RNF10: variants seen among roughly 807,000 people sequenced by gnomAD.
The protein encoded by RNF10 is E3 ubiquitin-protein ligase RNF10.
In RNF10, 38 loss-of-function variants were observed where a neutral mutation model predicts 91.4. The observed-to-expected ratio is 0.42, with a 90% confidence interval of 0.32 to 0.54. The LOEUF (loss-of-function observed/expected upper bound fraction) is 0.54, where lower values mean the gene tolerates loss of function less well. Ranked by LOEUF, RNF10 falls within the 20% of genes least tolerant of loss-of-function variation. The probability of loss-of-function intolerance (pLI) is 0.16; values close to 1 mark genes in which losing one functional copy is unlikely to be tolerated. For synonymous variants in RNF10, 364 were observed against 366.3 expected (o/e 0.99, Z 0.07); for missense variants, 945 against 1,012.0 (o/e 0.93, Z 0.90).
At chr12:120,569,538 C>CTTTTTTTTTTTTTTTTTTTTTTTT (rs58304342) in intron 13 of RNF10, among the ~76,000 whole-genome samples, 1 of 115,240 alleles carries the variant, frequency 8.7e-6, no homozygotes, top group Non-Finnish European at 1.7e-5. Context: ...TGATATGCAT[C>CTTTTTTTTTTTTTTTTTTTTTTTT]TTTTTTTTTT....
At chr12:120,543,742 G>C (rs1871900159) in intron 1 of RNF10, among the ~76,000 whole-genome samples, 2 of 152,206 alleles carry the variant, frequency 1.3e-5, no homozygotes, top group Admixed American at 1.3e-4. Flanking sequence ...GGAGGCTGCA[G>C]TAAGCCGAGA....
intron 4 of RNF10, among the ~76,000 whole-genome samples, chr12:120,555,980 G>A (rs1008930608): frequency 1.3e-5 from 2 of 151,514 alleles, no homozygotes; most frequent in African/African-American, 4.9e-5. Flanking sequence ...TTAGAGACGG[G>A]GTTCCACCGT....
At chr12:120,552,010 ATACT>A (rs1873165803) in intron 2 of RNF10, among the ~76,000 whole-genome samples, 1 of 148,392 alleles carries the variant, frequency 6.7e-6, no homozygotes, top group Non-Finnish European at 1.5e-5. Context: ...GAAATGCTAC[ATACT>A]TTTTTTTTTT....
intron 1 of RNF10, among the ~76,000 whole-genome samples, chr12:120,540,853 T>A (rs1871442285): frequency 1.5e-5 from 1 of 66,552 alleles, no homozygotes; most frequent in African/African-American, 5.8e-5. Context: ...CAGTTTACTT[T>A]CTTTTTTTTT....
At chr12:120,551,738 C>G (rs1017761893) in intron 2 of RNF10, among the ~76,000 whole-genome samples, 7 of 152,132 alleles carry the variant, frequency 4.6e-5, no homozygotes, top group Non-Finnish European at 1.0e-4. Context: ...GGCTCAAGTG[C>G]CCCTCTTCAG....
At chr12:120,559,110 A>T (rs1874449817) in intron 6 of RNF10, among the ~76,000 whole-genome samples, 1 of 148,794 alleles carries the variant, frequency 6.7e-6, no homozygotes, top group Non-Finnish European at 1.5e-5. Context: ...GGTATAGTTA[A>T]TTTTTTATTT....
chr12:120,568,647 T>A (rs1170358113), intron 13 of RNF10, among the ~76,000 whole-genome samples: 1 of 151,610 alleles, frequency 6.6e-6, no homozygotes, highest in East Asian at 2.0e-4. Flanking sequence ...GGCTAATTTT[T>A]GTATTTTTAA....
intron 13 of RNF10, among the ~76,000 whole-genome samples, chr12:120,567,573 C>T (rs1009118178): frequency 2.0e-5 from 3 of 151,858 alleles, no homozygotes; most frequent in Non-Finnish European, 2.9e-5. Flanking sequence ...TGGTGGCAGG[C>T]GCCTGTAGTC....
intron 2 of RNF10, among the ~76,000 whole-genome samples, chr12:120,551,317 T>C (rs1247700102): frequency 1.5e-5 from 1 of 68,712 alleles, no homozygotes; most frequent in Non-Finnish European, 3.1e-5. Flanking sequence ...TTTTTTGAAA[T>C]GGAGTTTTGC....
intron 14 of RNF10, among the ~76,000 whole-genome samples, chr12:120,573,178 A>C (rs1053632070): frequency 2.8e-4 from 43 of 152,178 alleles, no homozygotes; most frequent in Non-Finnish European, 5.9e-5. Context: ...CACAGTGATC[A>C]CATTAGAGAA....
rs770112141 is a variant in RNF10, at chr12:120,534,859, C to A, written c.48C>A (p.Asp16Glu). ...PNAAATASDM[D>E]KNSGSNSSSA... ...CCGCCGCCACCGCCTCCGACATGGA[C>A]AAGAACAGCGGCTCCAACAGCTCCT... is the stretch of plus-strand genomic sequence containing the variant. Residue 16 changes from aspartate to glutamate, a missense_variant, in exon 1 of 17, where the codon GAC (aspartate) becomes GAA (glutamate). Physicochemically the swap from Asp to Glu is conservative, Grantham distance 45. Transcript: ENST00000325954. The A allele has an allele frequency of 3.1e-6, 5 of 1,608,046 alleles. No homozygotes were observed. In the African/African-American group the frequency reaches 5.3e-5, roughly 17 times the overall value.
At position 120,534,597 on chromosome 12, in the gene RNF10, C is replaced by T. The variant is rs1217475377; in HGVS notation, c.-215C>T. On this transcript the variant is annotated 5_prime_UTR_variant, in exon 1 of 17. Coordinates refer to ENST00000325954, the MANE Select transcript of RNF10 (RefSeq NM_014868.5). ...GCCCGGACTCCCGAGCCCCGGCCTC[C>T]TCGTCCTCGGTCGCCGCTGCCGCCG... is the stretch of plus-strand genomic sequence containing the variant. 5 of 1,187,642 alleles carry T rather than the reference C, an allele frequency of 4.2e-6. No homozygotes were observed. Among genetic ancestry groups the T allele is most frequent in the Non-Finnish European group, 5.4e-6 (5 of 927,834 alleles). 73.6% of individuals were successfully genotyped at this position (1,187,642 alleles called of 1,614,324 possible).
rs1354146840 is a variant in RNF10, at chr12:120,563,837, A to G, written c.1559A>G (p.His520Arg). 6.2e-7 allele frequency: 1 copy of G among 1,614,066 alleles called. No individual in the cohort carries two copies. Among genetic ancestry groups the G allele is most frequent in the Non-Finnish European group, 8.5e-7 (1 of 1,180,016 alleles). The change falls in exon 10 of 17, where the codon CAC (histidine) becomes CGC (arginine). Residue 520 changes from histidine to arginine, a missense_variant. By Grantham distance (29) the His-to-Arg change is conservative (BLOSUM62 0). Coordinates refer to ENST00000325954, the MANE Select transcript of RNF10 (RefSeq NM_014868.5). The part of the protein sequence containing the change: ...QAEDGQHMFL[H>R]PVNVRCLVRE... ...GAAGATGGACAGCATATGTTCCTGC[A>G]CCCTGTGAATGTGCGCTGCCTCGTG...
chr12:120,574,755 G>A lies in RNF10; in HGVS notation c.2143-876G>A, dbSNP rs144267571. 3.2e-3 allele frequency: 910 copies of A among 282,462 alleles called. 31 individuals are homozygous for A. The East Asian group carries it at 0.075, about 23-fold the overall frequency. 17.5% of individuals were successfully genotyped at this position (282,462 alleles called of 1,614,324 possible). ...AGCCTGACCAACATGGAGAAACCCC[G>A]TCTTTACTAAAAATACAAAAATTAG... is the stretch of plus-strand genomic sequence containing the variant. On this transcript the variant is annotated intron_variant, in intron 14 of 16. Coordinates refer to ENST00000325954, the MANE Select transcript of RNF10 (RefSeq NM_014868.5).
intron 3 of RNF10, among the ~76,000 whole-genome samples, chr12:120,553,401 CTTT>C (rs1243050601): frequency 5.3e-5 from 5 of 95,052 alleles, no homozygotes; most frequent in Non-Finnish European, 2.1e-5. Flanking sequence ...AAGAGGAATT[CTTT>C]TTTTTTTTTT....
chr12:120,574,575 TTA>T (rs1877123920), intron 14 of RNF10: 1 of 455,508 alleles, frequency 2.2e-6, no homozygotes, highest in Non-Finnish European at 4.4e-6. Context: ...AGGAGAGAGT[TTA>T]GTTAGTTTTC....
chr12:120,539,200 A>C (rs771917253), intron 1 of RNF10, among the ~76,000 whole-genome samples: 16 of 152,208 alleles, frequency 1.1e-4, no homozygotes, highest in Admixed American at 7.9e-4. Context: ...TGTTTCACAG[A>C]AAAGAAAATA....
intron 2 of RNF10, 77 bp from the exon 3 acceptor site, chr12:120,552,422 G>A: frequency 3.2e-6 from 4 of 1,259,142 alleles, no homozygotes; most frequent in Non-Finnish European, 3.4e-6. Flanking sequence ...TGTGTAAAAG[G>A]AGGGTTTTTT....
chr12:120,554,669 A>G, intron 3 of RNF10, 49 bp from the exon 4 acceptor site: 1 of 1,396,704 alleles, frequency 7.2e-7, no homozygotes, highest in Non-Finnish European at 1.0e-6. Flanking sequence ...CTGAGGGTTT[A>G]TTGGTAGATC....
Sources: allele counts gnomAD v4.1 joint callset (sites outside exome capture counted in the v4.1 genomes callset), GRCh38; gene constraint gnomAD v4.1.1; transcripts MANE v1.5; gene names NCBI Gene and HGNC (gene_info 2026-07-23, HGNC 2026-07-21).